ICA1L: variants seen among roughly 807,000 people sequenced by gnomAD.
ICA1L encodes the protein islet cell autoantigen 1 like.
In ICA1L, 50 loss-of-function variants were observed where a neutral mutation model predicts 61.3. The observed-to-expected ratio is 0.82, with a 90% CI of 0.65 to 1.03. The LOEUF (loss-of-function observed/expected upper bound fraction) is 1.03, where lower values mean the gene tolerates loss of function less well. Among genes scored for constraint, ICA1L ranks in the 50% least tolerant of loss-of-function variants. ICA1L has a pLI of 0.00. For synonymous variants in ICA1L, 161 were observed against 191.3 expected, an observed-to-expected ratio of 0.84 and a Z score of 1.31; for missense variants, 508 against 556.7, an observed-to-expected ratio of 0.91 and a Z score of 0.88.
chr2:202,837,527 T>C (rs1234940274), intron 1 of ICA1L, among the ~76,000 whole-genome samples: 1 of 152,078 alleles, frequency 6.6e-6, no homozygotes. Context: ...CACCTCAGCC[T>C]CCCAAAGTGC....
intron 9 of ICA1L, among the ~76,000 whole-genome samples, 168 bp from the exon 10 acceptor site, chr2:202,797,132 T>TTGTGTGTGTATATGTGTGTGTGTGTGTG (rs542686344): frequency 6.8e-6 from 1 of 147,726 alleles, no homozygotes; most frequent in African/African-American, 2.5e-5. Context: ...AAAATCACAT[T>TTGTGTGTGTATATGTGTGTGTGTGTGTG]TGTGTGTGTG....
At chr2:202,844,942 C>T (rs915922075) in intron 1 of ICA1L, among the ~76,000 whole-genome samples, 2 of 152,164 alleles carry the variant, frequency 1.3e-5, no homozygotes, top group African/African-American at 4.8e-5. Context: ...TCTTTTATAG[C>T]TTTTAGAAGC....
At chr2:202,781,342 G>A (rs759698863) in intron 12 of ICA1L, among the ~76,000 whole-genome samples, 8 of 152,016 alleles carry the variant, frequency 5.3e-5, no homozygotes, top group Non-Finnish European at 1.0e-4. Flanking sequence ...GGAGGCTGAG[G>A]TGTGCAGATC....
At chr2:202,865,838 G>C (rs980736150) in intron 1 of ICA1L, among the ~76,000 whole-genome samples, 1 of 152,092 alleles carries the variant, frequency 6.6e-6, no homozygotes, top group East Asian at 1.9e-4. Context: ...TGTTGCCCAG[G>C]TTGGTCTCAA....
chr2:202,861,400 T>A (rs1463608267), intron 1 of ICA1L, among the ~76,000 whole-genome samples: 3 of 1,768 alleles, frequency 1.7e-3, no homozygotes, highest in East Asian at 0.083. Context: ...CGAGACTATC[T>A]CAAAAAAAAA....
chr2:202,823,845 C>T (rs1693763410), intron 3 of ICA1L, among the ~76,000 whole-genome samples: 1 of 152,196 alleles, frequency 6.6e-6, no homozygotes, highest in African/African-American at 2.4e-5. Flanking sequence ...TACATTGTCT[C>T]TCTTTTTGTG....
At chr2:202,834,387 G>A (rs1559142312) in intron 1 of ICA1L, among the ~76,000 whole-genome samples, 1 of 152,168 alleles carries the variant, frequency 6.6e-6, no homozygotes. Flanking sequence ...CCAGCACTTT[G>A]AGAGGCTGAG....
chr2:202,826,135 C>G (rs1172547899), intron 2 of ICA1L, among the ~76,000 whole-genome samples: 1 of 152,134 alleles, frequency 6.6e-6, no homozygotes, highest in Non-Finnish European at 1.5e-5. Flanking sequence ...GATAACCTTA[C>G]AAAGTATTAA....
intron 1 of ICA1L, chr2:202,860,252 A>G (rs1312219732): frequency 7.1e-6 from 1 of 141,038 alleles, no homozygotes; most frequent in African/African-American, 2.5e-5. Flanking sequence ...AGCCTGGGCA[A>G]CAGAATGAGA....
chr2:202,811,627 A>T, intron 9 of ICA1L, 119 bp downstream of exon 9: 1 of 676,258 alleles, frequency 1.5e-6, no homozygotes, highest in Non-Finnish European at 2.5e-6. Context: ...ACGCAACTGC[A>T]CTCCAGCCTG....
intron 1 of ICA1L, among the ~76,000 whole-genome samples, chr2:202,837,514 G>A (rs1237161385): frequency 6.6e-6 from 1 of 151,406 alleles, no homozygotes; most frequent in Non-Finnish European, 1.5e-5. Context: ...CTCGTGATCC[G>A]CCCACCTCAG....
intron 1 of ICA1L, among the ~76,000 whole-genome samples, chr2:202,842,139 G>A (rs976917136): frequency 6.6e-6 from 1 of 152,100 alleles, no homozygotes; most frequent in Non-Finnish European, 1.5e-5. Flanking sequence ...ACAGGCATGG[G>A]CCACCGCACC....
At chr2:202,870,468 T>G (rs1210794065) in intron 1 of ICA1L, 2 of 152,208 alleles carry the variant, frequency 1.3e-5, no homozygotes, top group Non-Finnish European at 2.9e-5. Flanking sequence ...CTGGGTATGA[T>G]AGGCACAGAT....
intron 1 of ICA1L, among the ~76,000 whole-genome samples, chr2:202,837,291 T>G (rs894456120): frequency 2.6e-5 from 4 of 151,944 alleles, no homozygotes; most frequent in African/African-American, 9.7e-5. Flanking sequence ...TGTTTTTTTT[T>G]GTTTTTGTTT....
chr2:202,853,715 A>G (rs1038661326), intron 1 of ICA1L, among the ~76,000 whole-genome samples: 36 of 152,346 alleles, frequency 2.4e-4, no homozygotes, highest in African/African-American at 8.7e-4. Context: ...ACACTGCTCA[A>G]AAGAAGACAT....
rs764249644 is a variant in ICA1L at position 202,788,964 on chromosome 2, G to A, written c.1109C>T (p.Thr370Ile). ...STSEFTQECQ[T>I]AFGSPSASLT... Reference sequence around the variant, plus strand: ...ACTGGCACTGGGGCTCCCAAAGGCAGTCTGGCATTCTTGGGTAAATTCACT... The same window carrying A: ...ACTGGCACTGGGGCTCCCAAAGGCAATCTGGCATTCTTGGGTAAATTCACT... Residue 370 changes from threonine to isoleucine, a missense_variant, in exon 11 of 13, where the codon ACT (threonine) becomes ATT (isoleucine). Thr to Ile is a moderately conservative substitution (Grantham distance 89). Transcript: ENST00000358299. 6.2e-7 allele frequency: 1 copy of A among 1,614,160 alleles called. No homozygotes were observed. The highest frequency in any genetic ancestry group is 1.7e-5 in the Admixed American group (1 of 60,014).
intron 1 of ICA1L, among the ~76,000 whole-genome samples, chr2:202,842,612 TA>T (rs1305809747): frequency 6.6e-6 from 1 of 152,234 alleles, no homozygotes; most frequent in Non-Finnish European, 1.5e-5. Flanking sequence ...ACAGTTTGAT[TA>T]TATCTTAGTG....
intron 10 of ICA1L, among the ~76,000 whole-genome samples, chr2:202,789,560 G>GCA (rs1275569930): frequency 6.6e-6 from 1 of 151,866 alleles, no homozygotes; most frequent in Non-Finnish European, 1.5e-5. Context: ...TTATACTAAG[G>GCA]CACACACACA....
intron 5 of ICA1L, among the ~76,000 whole-genome samples, chr2:202,818,972 G>A (rs1265838504): frequency 2.0e-5 from 3 of 152,174 alleles, no homozygotes; most frequent in Non-Finnish European, 4.4e-5. Flanking sequence ...CACTCCCTTG[G>A]ACTGTATTCT....
Sources: gnomAD v4.1 joint callset for allele counts (sites outside exome capture counted in the v4.1 genomes callset) on GRCh38, gnomAD v4.1.1 for gene constraint, MANE v1.5 for transcripts, NCBI Gene and HGNC (gene_info 2026-07-23, HGNC 2026-07-21) for gene names.